Variants in ALPK1 observed in about 807,000 individuals in gnomAD.
ALPK1 encodes the protein alpha-protein kinase 1.
Under a neutral mutation model 120.6 loss-of-function variants are expected in ALPK1, and 110 were observed. The observed-to-expected ratio is 0.91, with a 90% CI of 0.78 to 1.07. ALPK1 has a LOEUF of 1.07. ALPK1 is among the 50% of genes least tolerant of loss of function. The pLI is 0.00. For synonymous variants in ALPK1, 582 were observed against 560.3 expected (o/e 1.04, Z -0.55); for missense variants, 1,498 against 1,483.9 (o/e 1.01, Z -0.16).
In ALPK1 at chr4:112,345,069, T is replaced by C. The variant is rs539802717; in HGVS notation, c.-101+29217T>C. 3.3e-5 allele frequency among the ~76,000 whole-genome samples: 5 copies of C among 152,332 alleles called. No individual in the cohort carries two copies. In the South Asian group the frequency reaches 8.3e-4, roughly 25 times the overall value. On this transcript the variant is annotated intron_variant, in intron 2 of 15. Coordinates refer to ENST00000650871, the MANE Select transcript of ALPK1 (RefSeq NM_025144.4). ...TTTTTTAATTCTGTAGAAAGTAGAATAATAGAAGTGTGTTGGTTTCGGTAA... is the reference window on the plus strand; with the variant it reads ...TTTTTTAATTCTGTAGAAAGTAGAACAATAGAAGTGTGTTGGTTTCGGTAA...
intron 2 of ALPK1, among the ~76,000 whole-genome samples, chr4:112,354,024 C>A (rs1420117313): frequency 6.6e-6 from 1 of 152,160 alleles, no homozygotes; most frequent in East Asian, 1.9e-4. Context: ...CTGTTCAAGT[C>A]TTTTGTCTAT....
At chr4:112,313,929 T>A (rs1461833362) in intron 1 of ALPK1, among the ~76,000 whole-genome samples, 3 of 152,094 alleles carry the variant, frequency 2.0e-5, no homozygotes, top group Non-Finnish European at 4.4e-5. Flanking sequence ...TAACTACTGA[T>A]GAAAGTGAGA....
intron 2 of ALPK1, among the ~76,000 whole-genome samples, chr4:112,370,360 T>G (rs150073166): frequency 6.6e-6 from 1 of 152,222 alleles, no homozygotes; most frequent in East Asian, 1.9e-4. Flanking sequence ...TATCTGTTTT[T>G]ATGGTCTGAT....
At chr4:112,338,447 T>C (rs1347648633) in intron 2 of ALPK1, among the ~76,000 whole-genome samples, 1 of 152,134 alleles carries the variant, frequency 6.6e-6, no homozygotes, top group East Asian at 1.9e-4. Context: ...AAAAAATGTA[T>C]ATAAGGGATA....
chr4:112,346,412 A>T (rs957109345), intron 2 of ALPK1, among the ~76,000 whole-genome samples: 1 of 152,204 alleles, frequency 6.6e-6, no homozygotes, highest in Non-Finnish European at 1.5e-5. Context: ...ACGTTTTGTG[A>T]TATGTGGTAG....
At chr4:112,299,275 A>G (rs1727684340) in intron 1 of ALPK1, among the ~76,000 whole-genome samples, 1 of 152,162 alleles carries the variant, frequency 6.6e-6, no homozygotes, top group Non-Finnish European at 1.5e-5. Context: ...AAAAGAAGAG[A>G]TGATTATAAC....
At chr4:112,409,500 G>T (rs557561362) in intron 4 of ALPK1, among the ~76,000 whole-genome samples, 1 of 151,834 alleles carries the variant, frequency 6.6e-6, no homozygotes, top group Non-Finnish European at 1.5e-5. Flanking sequence ...TGTATTAGAC[G>T]TAGGGAATCT....
chr4:112,402,315 A>T lies in ALPK1; in HGVS notation c.277-9512A>T, dbSNP rs182889675. On this transcript the variant is annotated intron_variant, in intron 4 of 15. Coordinates refer to ENST00000650871, the MANE Select transcript of ALPK1 (RefSeq NM_025144.4). Reference sequence around the variant, plus strand: ...CTGCCATTGTCATTGCTGTGAACACATCACAGCTTTGAACCCATAGCTGGG... The same window carrying T: ...CTGCCATTGTCATTGCTGTGAACACTTCACAGCTTTGAACCCATAGCTGGG... Among the ~76,000 whole-genome samples, 37 of 152,324 alleles carry T rather than the reference A, an allele frequency of 2.4e-4. No individual in the cohort carries two copies. The East Asian group carries it at 6.6e-3, about 27-fold the overall frequency.
At chr4:112,348,349 T>C (rs2148709432) in intron 2 of ALPK1, among the ~76,000 whole-genome samples, 1 of 152,364 alleles carries the variant, frequency 6.6e-6, no homozygotes, top group Non-Finnish European at 1.5e-5. Flanking sequence ...GAAGGCTAGC[T>C]ACACCAAGGC....
At chr4:112,365,101 T>C (rs935295549) in intron 2 of ALPK1, among the ~76,000 whole-genome samples, 5 of 152,132 alleles carry the variant, frequency 3.3e-5, no homozygotes, top group Non-Finnish European at 5.9e-5. Context: ...GTCAACATCA[T>C]ACTGAATGTG....
chr4:112,399,302 T>G (rs1732802543), intron 4 of ALPK1, among the ~76,000 whole-genome samples: 1 of 152,094 alleles, frequency 6.6e-6, no homozygotes, highest in South Asian at 2.1e-4. Flanking sequence ...CACCAGAAAT[T>G]TTTTTCTTTT....
At chr4:112,433,397 C>T (rs748939087) in intron 11 of ALPK1, among the ~76,000 whole-genome samples, 27 of 152,162 alleles carry the variant, frequency 1.8e-4, no homozygotes, top group Non-Finnish European at 7.3e-5. Context: ...GGAATCTACC[C>T]CTCAGGACCT....
chr4:112,428,326 A>T (rs191852318), intron 9 of ALPK1, among the ~76,000 whole-genome samples: 2 of 152,192 alleles, frequency 1.3e-5, no homozygotes, highest in Non-Finnish European at 2.9e-5. Flanking sequence ...TGCTCTTCAC[A>T]CTGTGCTTAA....
Position 112,431,893 on chromosome 4 carries a change from C to T in ALPK1, c.2346C>T (p.Pro782=). ...CAGGCCCTACATTTAAAGCTAGTCCCTCCTGGGTTGACCCAGAAGGAGAAA... is the reference window on the plus strand; with the variant it reads ...CAGGCCCTACATTTAAAGCTAGTCCTTCCTGGGTTGACCCAGAAGGAGAAA... ...RGAGPTFKAS[P]SWVDPEGETA... Residue 782 remains proline, a synonymous_variant, in exon 11 of 16, where the codon CCC becomes CCT. Transcript: ENST00000650871. The T allele has an allele frequency of 6.8e-6, 11 of 1,614,022 alleles. No individual in the cohort carries two copies. The highest frequency in any genetic ancestry group is 9.3e-6 in the Non-Finnish European group (11 of 1,180,042).
intron 2 of ALPK1, among the ~76,000 whole-genome samples, chr4:112,344,203 G>A (rs1222310838): frequency 2.0e-5 from 3 of 152,168 alleles, no homozygotes; most frequent in African/African-American, 7.2e-5. Context: ...TGAAATCCTA[G>A]CAAGTGGCAC....
At chr4:112,340,426 G>A (rs561588887) in intron 2 of ALPK1, among the ~76,000 whole-genome samples, 158 of 152,196 alleles carry the variant, frequency 1.0e-3, no homozygotes, top group African/African-American at 3.7e-3. Context: ...CTAAAAAAAA[G>A]TGAAGTTAAA....
At chr4:112,388,810 A>G in intron 4 of ALPK1, among the ~76,000 whole-genome samples, 1 of 152,230 alleles carries the variant, frequency 6.6e-6, no homozygotes, top group Non-Finnish European at 1.5e-5. Context: ...GTCAAAGTCC[A>G]GCTTATTGGA....
At chr4:112,358,765 T>C in intron 2 of ALPK1, 2 of 811,160 alleles carry the variant, frequency 2.5e-6, no homozygotes, top group East Asian at 4.8e-5. Context: ...GGTGCACAGA[T>C]GAACACGGCC....
At chr4:112,359,621 G>A in intron 2 of ALPK1, 1 of 247,966 alleles carries the variant, frequency 4.0e-6, no homozygotes, top group East Asian at 8.9e-5. Context: ...GGAAGACCCA[G>A]AGCAAGATCT....
Sources: gnomAD v4.1 joint callset for allele counts (sites outside exome capture counted in the v4.1 genomes callset) on GRCh38, gnomAD v4.1.1 for gene constraint, MANE v1.5 for transcripts, NCBI Gene and HGNC (gene_info 2026-07-23, HGNC 2026-07-21) for gene names.